The following FRYL variants were observed in gnomAD, a reference collection of about 807,000 sequenced individuals.
FRYL encodes the protein protein furry homolog-like.
FRYL carries 150 observed loss-of-function variants against 351.2 expected under a neutral mutation model. The observed-to-expected ratio is 0.43, with a 90% CI of 0.37 to 0.49. FRYL has a LOEUF of 0.49. Ranked by LOEUF, FRYL falls within the 20% of genes least tolerant of loss-of-function variation. The probability of loss-of-function intolerance (pLI) is 0.00; values close to 1 mark genes in which losing one functional copy is unlikely to be tolerated. For synonymous variants in FRYL, 1,153 were observed against 1,257.1 expected, an observed-to-expected ratio of 0.92 and a Z score of 1.75; for missense variants, 3,036 against 3,619.3, an observed-to-expected ratio of 0.84 and a Z score of 4.13.
At chr4:48,592,915 A>C (rs1190487727) in intron 16 of FRYL, among the ~76,000 whole-genome samples, 1 of 152,208 alleles carries the variant, frequency 6.6e-6, no homozygotes, top group African/African-American at 2.4e-5. Context: ...CAAGATAGTA[A>C]TTTAAAATAA....
At chr4:48,699,557 C>T (rs1463319059) in intron 2 of FRYL, among the ~76,000 whole-genome samples, 1 of 152,188 alleles carries the variant, frequency 6.6e-6, no homozygotes, top group Non-Finnish European at 1.5e-5. Context: ...ATCTAAAATA[C>T]ATGCTTCTCA....
At chr4:48,509,949 G>A in intron 59 of FRYL, 110 bp downstream of exon 59, 2 of 660,022 alleles carry the variant, frequency 3.0e-6, no homozygotes, top group Non-Finnish European at 5.3e-6. Flanking sequence ...GGAAAACCCT[G>A]AGGCAGGTGC....
Position 48,620,777 on chromosome 4 carries a change from A to C in FRYL, c.176T>G (p.Leu59Trp), listed in dbSNP as rs1750501528. Reference sequence around the variant, plus strand: ...TGCTACTGAGCTCATAGAGCTTATCAACTGAAAACACAAGATATTACCAGA... The same window carrying C: ...TGCTACTGAGCTCATAGAGCTTATCCACTGAAAACACAAGATATTACCAGA... ...QRGEDLQFDQ[L>W]ISSMSSVAEH... The change falls in exon 6 of 64, where the codon TTG becomes TGG. Residue 59 changes from leucine to tryptophan, a missense_variant and splice_region_variant. Coordinates refer to ENST00000358350, the MANE Select transcript of FRYL (RefSeq NM_015030.2). The C allele has an allele frequency of 6.2e-7, 1 of 1,611,004 alleles. No homozygotes were observed. The highest frequency in any genetic ancestry group is 1.7e-5 in the Admixed American group (1 of 59,794).
At chr4:48,568,535 G>A (rs1737386255) in intron 27 of FRYL, among the ~76,000 whole-genome samples, 1 of 151,768 alleles carries the variant, frequency 6.6e-6, no homozygotes, top group Admixed American at 6.6e-5. Context: ...TTCTTATTAT[G>A]TTTGAAAATT....
At chr4:48,572,540 A>C (rs1314419182) in intron 26 of FRYL, among the ~76,000 whole-genome samples, 1 of 152,204 alleles carries the variant, frequency 6.6e-6, no homozygotes, top group Non-Finnish European at 1.5e-5. Context: ...ATTCATCTGA[A>C]ATATCAGCAC....
chr4:48,716,385 G>C (rs905715665), intron 1 of FRYL, among the ~76,000 whole-genome samples: 1 of 151,352 alleles, frequency 6.6e-6, no homozygotes, highest in South Asian at 2.1e-4. Context: ...ATCTGACAAA[G>C]GGCTAATATC....
At chr4:48,681,778 T>C (rs1174853364) in intron 3 of FRYL, among the ~76,000 whole-genome samples, 1 of 152,132 alleles carries the variant, frequency 6.6e-6, no homozygotes, top group Admixed American at 6.6e-5. Flanking sequence ...ATTTTAAATA[T>C]ATGGATCTAA....
chr4:48,650,639 C>G (rs568489756), intron 3 of FRYL, among the ~76,000 whole-genome samples: 6 of 152,062 alleles, frequency 3.9e-5, no homozygotes, highest in African/African-American at 1.4e-4. Context: ...CAAAGCATGG[C>G]GAGAACGGCA....
intron 3 of FRYL, among the ~76,000 whole-genome samples, chr4:48,636,269 T>C (rs1201663421): frequency 6.6e-6 from 1 of 152,112 alleles, no homozygotes; most frequent in Non-Finnish European, 1.5e-5. Context: ...AAGAGCTCTC[T>C]AATTTTTAAA....
At chr4:48,581,930 C>T (rs1001716807) in intron 20 of FRYL, among the ~76,000 whole-genome samples, 15 of 152,154 alleles carry the variant, frequency 9.9e-5, no homozygotes, top group Admixed American at 5.9e-4. Context: ...AGAGTGTGGA[C>T]CAGCAGCCTG....
intron 19 of FRYL, among the ~76,000 whole-genome samples, chr4:48,586,298 TATC>T (rs1292738673): frequency 6.6e-6 from 1 of 152,104 alleles, no homozygotes; most frequent in African/African-American, 2.4e-5. Context: ...AACTGGGAAT[TATC>T]ATACACTGAT....
chr4:48,670,381 C>T (rs1257498929), intron 3 of FRYL, among the ~76,000 whole-genome samples: 20 of 151,450 alleles, frequency 1.3e-4, no homozygotes, highest in Admixed American at 1.2e-3. Flanking sequence ...TGCAGTGAGC[C>T]GAGATTGTGC....
At chr4:48,766,889 T>G (rs1774999915) in intron 1 of FRYL, among the ~76,000 whole-genome samples, 2 of 151,386 alleles carry the variant, frequency 1.3e-5, no homozygotes, top group Non-Finnish European at 2.9e-5. Context: ...TTCTGTAGAT[T>G]CACGGATTTC....
rs1726667763 is a variant in FRYL, at chr4:48,528,063, A to T, written c.7066-18T>A. 1 of 1,559,014 alleles carries T rather than the reference A, an allele frequency of 6.4e-7. No homozygotes were observed. Among genetic ancestry groups the T allele is most frequent in the African/African-American group, 1.4e-5 (1 of 71,988 alleles). On this transcript the variant is annotated intron_variant, in intron 51 of 63. Coordinates refer to ENST00000358350, the MANE Select transcript of FRYL (RefSeq NM_015030.2). ...GTTCTTCGCTAAAGGAAAAAAAAAA[A>T]TTAAAATGTTAGGACTGCTGATAAA...
intron 3 of FRYL, among the ~76,000 whole-genome samples, chr4:48,634,826 G>C (rs2149373350): frequency 6.6e-6 from 1 of 152,236 alleles, no homozygotes; most frequent in African/African-American, 2.4e-5. Context: ...TTTGCTGAAT[G>C]AATGAATGGA....
intron 26 of FRYL, 33 bp from the exon 27 acceptor site, chr4:48,570,951 T>C (rs768603758): frequency 6.6e-7 from 1 of 1,520,990 alleles, no homozygotes; most frequent in Non-Finnish European, 9.1e-7. Context: ...TTAATTAAAA[T>C]CCTGCTGGTG....
intron 53 of FRYL, among the ~76,000 whole-genome samples, chr4:48,525,811 G>A (rs543993163): frequency 3.3e-5 from 5 of 151,896 alleles, no homozygotes; most frequent in Admixed American, 1.3e-4. Context: ...GAATGTGTAT[G>A]AGCTGTATAT....
intron 2 of FRYL, among the ~76,000 whole-genome samples, chr4:48,709,005 T>C (rs1175850936): frequency 6.6e-6 from 1 of 151,612 alleles, no homozygotes; most frequent in East Asian, 1.9e-4. Context: ...CACTGTAAGC[T>C]CCGCCTCCTG....
intron 3 of FRYL, among the ~76,000 whole-genome samples, chr4:48,664,853 T>C (rs12505376): frequency 6.6e-6 from 1 of 152,140 alleles, no homozygotes; most frequent in Non-Finnish European, 1.5e-5. Flanking sequence ...CACTCAATAA[T>C]GAAGAGAATC....
Sources: allele counts gnomAD v4.1 joint callset (sites outside exome capture counted in the v4.1 genomes callset), GRCh38; gene constraint gnomAD v4.1.1; transcripts MANE v1.5; gene names NCBI Gene and HGNC (gene_info 2026-07-23, HGNC 2026-07-21).